Variants in GPR158 observed in about 807,000 individuals in gnomAD.
GPR158 encodes the protein G protein-coupled receptor 158, also known as metabotropic glycine receptor.
Under a neutral mutation model 78.2 loss-of-function variants are expected in GPR158, and 30 were observed. The observed-to-expected ratio is 0.38, with a 90% CI of 0.29 to 0.52. The LOEUF (loss-of-function observed/expected upper bound fraction) is 0.52, where lower values mean the gene tolerates loss of function less well. Ranked by LOEUF, GPR158 falls within the 20% of genes least tolerant of loss-of-function variation. The pLI is 0.83. For missense variants in GPR158, 1,463 were observed against 1,523.5 expected, an observed-to-expected ratio of 0.96 and a Z score of 0.66; for synonymous variants, 581 against 591.1, an observed-to-expected ratio of 0.98 and a Z score of 0.25.
chr10:25,285,693 G>T (rs1180330559), intron 2 of GPR158, among the ~76,000 whole-genome samples: 3 of 152,024 alleles, frequency 2.0e-5, no homozygotes, highest in Non-Finnish European at 4.4e-5. Flanking sequence ...TAACCCCATT[G>T]GACTCACATG....
rs1023328009 is a variant in GPR158 at position 25,599,507 on chromosome 10, C to T, written c.*233C>T. ...CTTCCCTTGGTAACACTAGGAAAATCTTTCCATTTCAGCATGTTTAAGGAA... is the reference window on the plus strand; with the variant it reads ...CTTCCCTTGGTAACACTAGGAAAATTTTTCCATTTCAGCATGTTTAAGGAA... On this transcript the variant is annotated 3_prime_UTR_variant, in exon 11 of 11. Transcript: ENST00000376351. The T allele has an allele frequency of 5.9e-6, 3 of 507,134 alleles. No homozygotes were observed. Among genetic ancestry groups the T allele is most frequent in the African/African-American group, 5.8e-5 (3 of 52,090 alleles). 31.4% of individuals were successfully genotyped at this position (507,134 alleles called of 1,614,324 possible).
At chr10:25,485,942 A>G (rs1835729292) in intron 5 of GPR158, among the ~76,000 whole-genome samples, 1 of 152,112 alleles carries the variant, frequency 6.6e-6, no homozygotes, top group Admixed American at 6.6e-5. Context: ...TATGAATGGG[A>G]TTAGTGCCCT....
intron 2 of GPR158, among the ~76,000 whole-genome samples, chr10:25,371,623 T>C (rs1162893541): frequency 1.4e-5 from 2 of 142,034 alleles, no homozygotes; most frequent in Admixed American, 1.4e-4. Context: ...CCCTATTTAA[T>C]AAATGGCGCT....
chr10:25,592,680 A>AG (rs1176499333), intron 8 of GPR158, among the ~76,000 whole-genome samples: 4 of 152,058 alleles, frequency 2.6e-5, no homozygotes, highest in Admixed American at 2.6e-4. Context: ...TTTTCCTTCT[A>AG]GATACTGCCA....
chr10:25,241,348 CTCTTT>C (rs1360156165), intron 2 of GPR158, among the ~76,000 whole-genome samples: 48 of 113,256 alleles, frequency 4.2e-4, no homozygotes, highest in South Asian at 2.2e-3. Context: ...TTTCTCTTTT[CTCTTT>C]TCTTTTCTCT....
chr10:25,451,600 G>C (rs191648625), intron 4 of GPR158, among the ~76,000 whole-genome samples: 73 of 152,292 alleles, frequency 4.8e-4, no homozygotes, highest in Admixed American at 1.2e-3. Flanking sequence ...ATGGGATGTT[G>C]AAAGTGCTAG....
intron 1 of GPR158, among the ~76,000 whole-genome samples, chr10:25,201,402 A>C (rs1484916228): frequency 6.6e-6 from 1 of 152,196 alleles, no homozygotes; most frequent in African/African-American, 2.4e-5. Context: ...TTTTGGGCAG[A>C]GATTACAGAG....
At chr10:25,506,843 G>C (rs1469331805) in intron 5 of GPR158, among the ~76,000 whole-genome samples, 2 of 152,152 alleles carry the variant, frequency 1.3e-5, no homozygotes, top group South Asian at 4.1e-4. Context: ...GCTACATATT[G>C]CTTAACATAG....
At chr10:25,244,017 A>G (rs896851498) in intron 2 of GPR158, 2 of 152,168 alleles carry the variant, frequency 1.3e-5, no homozygotes, top group Non-Finnish European at 2.9e-5. Context: ...AAATATTTCC[A>G]GGCTTTTAGG....
intron 7 of GPR158, among the ~76,000 whole-genome samples, chr10:25,587,316 C>T (rs1348856409): frequency 2.6e-5 from 4 of 152,098 alleles, no homozygotes; most frequent in African/African-American, 7.2e-5. Context: ...TCAAAGAAAC[C>T]ACAAATATCA....
intron 8 of GPR158, among the ~76,000 whole-genome samples, chr10:25,592,056 T>C (rs952069212): frequency 1.3e-5 from 2 of 152,044 alleles, no homozygotes; most frequent in African/African-American, 4.8e-5. Flanking sequence ...TTAAATCAGC[T>C]ATATCCATCT....
intron 8 of GPR158, among the ~76,000 whole-genome samples, chr10:25,591,935 A>T (rs372991909): frequency 6.6e-6 from 1 of 152,060 alleles, no homozygotes; most frequent in African/African-American, 2.4e-5. Flanking sequence ...AATAGGCAAT[A>T]ATAAACCAAT....
chr10:25,369,410 C>A (rs1483771696), intron 2 of GPR158, among the ~76,000 whole-genome samples: 3 of 149,632 alleles, frequency 2.0e-5, no homozygotes, highest in Non-Finnish European at 4.4e-5. Flanking sequence ...GCTTTTTCTG[C>A]ATCTATTGAG....
chr10:25,497,497 G>A (rs1397208453), intron 5 of GPR158, among the ~76,000 whole-genome samples: 2 of 152,182 alleles, frequency 1.3e-5, no homozygotes, highest in Non-Finnish European at 2.9e-5. Context: ...AAAGCAGGAG[G>A]TGATGTAATT....
At chr10:25,372,713 TG>T (rs1199767540) in intron 2 of GPR158, among the ~76,000 whole-genome samples, 3 of 60,484 alleles carry the variant, frequency 5.0e-5, no homozygotes, top group African/African-American at 6.7e-5. Flanking sequence ...TGTTGTGGGG[TG>T]GGGGGAGGGG....
chr10:25,264,022 C>A (rs1588765283), intron 2 of GPR158, among the ~76,000 whole-genome samples: 1 of 152,274 alleles, frequency 6.6e-6, no homozygotes, highest in African/African-American at 2.4e-5. Flanking sequence ...TCTTTAGGGG[C>A]TTGTCTTCAA....
At chr10:25,481,129 G>A (rs2130636212) in intron 5 of GPR158, among the ~76,000 whole-genome samples, 1 of 152,254 alleles carries the variant, frequency 6.6e-6, no homozygotes, top group South Asian at 2.1e-4. Flanking sequence ...TGAGGGAAAG[G>A]TCACAGGGAT....
chr10:25,312,465 A>C (rs1214495715), intron 2 of GPR158, among the ~76,000 whole-genome samples: 1 of 152,108 alleles, frequency 6.6e-6, no homozygotes, highest in African/African-American at 2.4e-5. Flanking sequence ...AAATTCTGCC[A>C]GTTGTTTTCC....
chr10:25,290,242 G>A lies in GPR158; in HGVS notation c.1008+69085G>A, dbSNP rs993070924. Reference sequence around the variant, plus strand: ...TTTCATAACATTGGCTTTTTGAAAAGAATTCCGTATACTATCTCTGATTTT... The same window carrying A: ...TTTCATAACATTGGCTTTTTGAAAAAAATTCCGTATACTATCTCTGATTTT... On this transcript the variant is annotated intron_variant, in intron 2 of 10. Coordinates refer to ENST00000376351, the MANE Select transcript of GPR158 (RefSeq NM_020752.3). Among the ~76,000 whole-genome samples, 10 of 152,240 alleles carry A rather than the reference G, an allele frequency of 6.6e-5. No homozygotes were observed. The South Asian group carries it at 1.0e-3, about 16-fold the overall frequency.
Sources: gnomAD v4.1 joint callset for allele counts (sites outside exome capture counted in the v4.1 genomes callset) on GRCh38, gnomAD v4.1.1 for gene constraint, MANE v1.5 for transcripts, NCBI Gene and HGNC (gene_info 2026-07-23, HGNC 2026-07-21) for gene names.